FHDC1: variants seen among roughly 807,000 people sequenced by gnomAD.
FHDC1 encodes FH2 domain-containing protein 1.
Under a neutral mutation model 52.6 loss-of-function variants are expected in FHDC1, and 25 were observed. The observed-to-expected ratio is 0.48, with a 90% confidence interval of 0.35 to 0.66. The LOEUF (loss-of-function observed/expected upper bound fraction) is 0.66, where lower values mean the gene tolerates loss of function less well. Among genes scored for constraint, FHDC1 ranks in the 30% least tolerant of loss-of-function variants. The pLI, the probability that FHDC1 is intolerant of heterozygous loss-of-function variation, is 0.01. For missense variants in FHDC1, 1,459 were observed against 1,452.8 expected, an observed-to-expected ratio of 1.00 and a Z score of -0.07; for synonymous variants, 616 against 581.5, an observed-to-expected ratio of 1.06 and a Z score of -0.85.
chr4:152,931,011 T>A, the FHDC1 span, among the ~76,000 whole-genome samples: 4 of 150,498 alleles, frequency 2.7e-5, no homozygotes, highest in East Asian at 2.0e-4. Context: ...TCTCTCTCTC[T>A]CTCTCTCTCT....
rs568407981 is a variant in FHDC1, at chr4:152,966,307, C to T, written c.1100+1332C>T. Among the ~76,000 whole-genome samples, 46 of 152,222 alleles carry T rather than the reference C, an allele frequency of 3.0e-4. 1 individual carries two copies. Among genetic ancestry groups the T allele is most frequent in the African/African-American group, 9.6e-4 (40 of 41,512 alleles). On this transcript the variant is annotated intron_variant, in intron 9 of 11. Transcript: ENST00000511601. ...ATACAAACAGGTCTCAGATATGTGC[C>T]GGTGACCAGTGAAGGTGGAAAACTT...
intron 2 of FHDC1, among the ~76,000 whole-genome samples, chr4:152,945,975 AATCAT>A (rs1398065185): frequency 4.6e-5 from 7 of 152,214 alleles, no homozygotes; most frequent in East Asian, 3.8e-4. Flanking sequence ...CTGTAGATGG[AATCAT>A]ATCATATTTG....
intron 1 of FHDC1, among the ~76,000 whole-genome samples, chr4:152,937,914 C>T (rs576538078): frequency 1.3e-4 from 20 of 152,086 alleles, no homozygotes; most frequent in African/African-American, 4.8e-4. Flanking sequence ...GACCGGGGTG[C>T]CGGGTTGGGG....
intron 4 of FHDC1, among the ~76,000 whole-genome samples, chr4:152,956,292 G>A (rs1195732359): frequency 3.3e-5 from 5 of 152,132 alleles, no homozygotes; most frequent in African/African-American, 1.2e-4. Context: ...GTTAAGTGAG[G>A]ATCAGATTTG....
intron 2 of FHDC1, among the ~76,000 whole-genome samples, chr4:152,946,022 G>T (rs1212731408): frequency 6.6e-6 from 1 of 152,104 alleles, no homozygotes; most frequent in East Asian, 1.9e-4. Flanking sequence ...TTCACTTAGC[G>T]TAATGTCCTC....
the FHDC1 span, among the ~76,000 whole-genome samples, chr4:152,925,085 T>TG: frequency 6.6e-6 from 1 of 152,192 alleles, no homozygotes; most frequent in Non-Finnish European, 1.5e-5. Context: ...GAGCCGTTTC[T>TG]AATTTCTAGT....
upstream of FHDC1, among the ~76,000 whole-genome samples, chr4:152,934,873 G>A (rs1360057499): frequency 6.6e-6 from 1 of 152,168 alleles, no homozygotes; most frequent in Non-Finnish European, 1.5e-5. Context: ...GGAGGGAGGA[G>A]TAGGCAAGGG....
chr4:152,976,400 C>T lies in FHDC1; in HGVS notation c.3109C>T (p.Arg1037Trp). 3 of 1,613,772 alleles carry T rather than the reference C, an allele frequency of 1.9e-6. No homozygotes were observed. The highest frequency in any genetic ancestry group is 1.1e-5 in the South Asian group (1 of 91,082). ...HELPRVPSFA[R>W]NTVASSSRSM... ...ACTACCCCGTGTCCCGAGCTTTGCCCGGAACACAGTGGCCTCCTCCTCTCG... is the reference window on the plus strand; with the variant it reads ...ACTACCCCGTGTCCCGAGCTTTGCCTGGAACACAGTGGCCTCCTCCTCTCG... The change falls in exon 12 of 12, where the codon CGG becomes TGG. Residue 1037 changes from arginine to tryptophan, a missense_variant. By Grantham distance (101) the Arg-to-Trp change is moderately radical (BLOSUM62 -3). Transcript: ENST00000511601.
chr4:152,962,897 C>A lies in FHDC1; in HGVS notation c.921+13C>A. 6.2e-7 allele frequency: 1 copy of A among 1,610,130 alleles called. No individual in the cohort carries two copies. The highest frequency in any genetic ancestry group is 8.5e-7 in the Non-Finnish European group (1 of 1,178,456). The stretch of plus-strand genomic sequence containing the variant: ...TATCATGAATGCAGTAAGTAAAATC[C>A]AAAACAATTGTAATGTTATGTTTTC... On this transcript the variant is annotated intron_variant, in intron 7 of 11. Coordinates refer to ENST00000511601, the MANE Select transcript of FHDC1 (RefSeq NM_001371116.1).
At chr4:152,949,124 T>TAATAATAATAAGAAGAAGAAGAAGAAG (rs1347590282) in intron 2 of FHDC1, among the ~76,000 whole-genome samples, 2 of 74,700 alleles carry the variant, frequency 2.7e-5, no homozygotes, top group African/African-American at 1.0e-4. Flanking sequence ...ATAATAATAA[T>TAATAATAATAAGAAGAAGAAGAAGAAG]AAGAAGAAGA....
the FHDC1 span, among the ~76,000 whole-genome samples, chr4:152,913,722 A>G: frequency 6.6e-6 from 1 of 152,038 alleles, no homozygotes; most frequent in Non-Finnish European, 1.5e-5. Context: ...CTCGTTGCCC[A>G]GGCTGCGGTG....
chr4:152,943,156 A>T lies in FHDC1; in HGVS notation c.99A>T (p.Ala33=). ...GFMIGQTPPP[A]PPPPPPPPPP... is the part of the protein sequence containing the mutation. ...TGATTGGGCAGACACCTCCTCCAGCACCTCCTCCACCTCCTCCTCCACCCC... is the reference window on the plus strand; with the variant it reads ...TGATTGGGCAGACACCTCCTCCAGCTCCTCCTCCACCTCCTCCTCCACCCC... Residue 33 remains alanine (A), a synonymous_variant, in exon 2 of 12, where the codon GCA becomes GCT. Coordinates refer to ENST00000511601, the MANE Select transcript of FHDC1 (RefSeq NM_001371116.1). 6.2e-7 allele frequency: 1 copy of T among 1,612,592 alleles called. No individual in the cohort carries two copies. The highest frequency in any genetic ancestry group is 8.5e-7 in the Non-Finnish European group (1 of 1,179,430).
Position 152,963,082 on chromosome 4 carries a change from C to T in FHDC1, c.981C>T (p.Asp327=), listed in dbSNP as rs1165688903. ...TGTCTTCTTTGCTCAAATTGGCAGA[C>T]ACAAAAGCAAACAAACCTGGGATGA... ...FKLSSLLKLA[D]TKANKPGMNL... The change falls in exon 8 of 12, where the codon GAC becomes GAT. Residue 327 remains aspartate (D), a synonymous_variant. Transcript: ENST00000511601. 1 of 1,613,940 alleles carries T rather than the reference C, an allele frequency of 6.2e-7. No individual in the cohort carries two copies. Among genetic ancestry groups the T allele is most frequent in the Non-Finnish European group, 8.5e-7 (1 of 1,180,008 alleles).
chr4:152,959,359 A>G (rs1055755498), intron 4 of FHDC1, among the ~76,000 whole-genome samples: 19 of 151,598 alleles, frequency 1.3e-4, no homozygotes, highest in Admixed American at 6.6e-5. Flanking sequence ...TTTCATCTCC[A>G]CTCTCACCTA....
At chr4:152,916,667 T>G in the FHDC1 span, among the ~76,000 whole-genome samples, 1 of 152,110 alleles carries the variant, frequency 6.6e-6, no homozygotes, top group Non-Finnish European at 1.5e-5. Context: ...GGCTTTTTTT[T>G]GTATAGAGAG....
intron 2 of FHDC1, among the ~76,000 whole-genome samples, chr4:152,943,974 C>T (rs1232737467): frequency 6.6e-6 from 1 of 152,220 alleles, no homozygotes; most frequent in Non-Finnish European, 1.5e-5. Context: ...TGTTAAATAG[C>T]ATCATCAGCT....
rs766854306 is a variant in FHDC1, at chr4:152,976,584, G to A, written c.3293G>A (p.Arg1098His). The change falls in exon 12 of 12, where the codon CGC (arginine) becomes CAC (histidine). Residue 1098 changes from arginine to histidine, a missense_variant. Physicochemically the swap from Arg to His is conservative, Grantham distance 29 (BLOSUM62 0). Around this residue, in one of 3 missense-constraint regions of FHDC1, gnomAD observed 939 missense variants for 854.5 expected, o/e 1.10. Coordinates refer to ENST00000511601, the MANE Select transcript of FHDC1 (RefSeq NM_001371116.1). Reference protein sequence around the residue: ...RASSARAPKKRPESAEGPSAN... With the variant: ...RASSARAPKKHPESAEGPSAN... ...AGCAGTGCCCGGGCCCCCAAGAAGC[G>A]CCCAGAGTCTGCGGAGGGTCCCAGT... is the stretch of plus-strand genomic sequence containing the variant. 2.1e-5 allele frequency: 34 copies of A among 1,612,338 alleles called. No individual in the cohort carries two copies. In the Middle Eastern group the frequency reaches 5.0e-4, roughly 24 times the overall value.
intron 1 of FHDC1, 146 bp from the exon 2 acceptor site, chr4:152,942,782 T>TGTAGATCTCGGTGGTCG: frequency 2.5e-6 from 1 of 392,594 alleles, no homozygotes; most frequent in Non-Finnish European, 4.5e-6. Context: ...AAGCGTTGGG[T>TGTAGATCTCGGTGGTCG]CCTTGTAATG....
intron 10 of FHDC1, among the ~76,000 whole-genome samples, chr4:152,970,063 G>T (rs1740597475): frequency 6.6e-6 from 1 of 152,180 alleles, no homozygotes; most frequent in Non-Finnish European, 1.5e-5. Context: ...ATTTTTCGAG[G>T]TAGGTCAGGG....
Sources: gnomAD v4.1 joint callset for allele counts (sites outside exome capture counted in the v4.1 genomes callset) on GRCh38, gnomAD v4.1.1 for gene constraint, gnomAD v4.1.1 regional missense constraint, MANE v1.5 for transcripts, NCBI Gene and HGNC (gene_info 2026-07-23, HGNC 2026-07-21) for gene names.